PGRMC2: variants seen among roughly 807,000 people sequenced by gnomAD.
PGRMC2 encodes the protein membrane-associated progesterone receptor component 2.
Under a neutral mutation model 19.3 loss-of-function variants are expected in PGRMC2, and 9 were observed. That is an observed-to-expected ratio of 0.47 (90% CI 0.28 to 0.81). PGRMC2 has a LOEUF of 0.81. Among genes scored for constraint, PGRMC2 ranks in the 40% least tolerant of loss-of-function variants. The pLI, the probability that PGRMC2 is intolerant of heterozygous loss-of-function variation, is 0.11. For synonymous variants in PGRMC2, 157 were observed against 124.6 expected (o/e 1.26, Z -1.73); for missense variants, 289 against 297.3 (o/e 0.97, Z 0.21).
chr4:128,278,529 G>A (rs972025297), intron 1 of PGRMC2, among the ~76,000 whole-genome samples: 4 of 151,738 alleles, frequency 2.6e-5, no homozygotes, highest in Admixed American at 2.6e-4. Context: ...CCGAGATGGC[G>A]CCACTGCACT....
chr4:128,287,348 T>G, intron 1 of PGRMC2, 25 bp downstream of exon 1: 1 of 1,577,384 alleles, frequency 6.3e-7, no homozygotes, highest in Non-Finnish European at 8.6e-7. Context: ...CAGGGGGTCC[T>G]TCCCCTCCCC....
Position 128,269,782 on chromosome 4 carries a change from A to G in PGRMC2, c.*1534T>C, listed in dbSNP as rs936182657. 5 of 152,192 alleles carry G rather than the reference A, an allele frequency of 3.3e-5. No homozygotes were observed. The highest frequency in any genetic ancestry group is 1.2e-4 in the African/African-American group (5 of 41,446). 9.4% of individuals were successfully genotyped at this position (152,192 alleles called of 1,614,324 possible). A position where few individuals can be genotyped will look rare whatever the true frequency, so the allele number is the denominator to read the frequency against. ...TTTTAGTAAGGGCTTTTTCAACCTA[A>G]TAAAATAATAATTTAGTATCTATCA... On this transcript the variant is annotated 3_prime_UTR_variant, in exon 3 of 3. Coordinates refer to ENST00000296425, the MANE Select transcript of PGRMC2 (RefSeq NM_006320.6).
intron 1 of PGRMC2, chr4:128,286,805 G>A (rs1760989797): frequency 2.5e-6 from 1 of 397,074 alleles, no homozygotes. Context: ...AGAGACTGGA[G>A]GGTTGGGACT....
At chr4:128,273,551 GAAC>G (rs541565729) in intron 1 of PGRMC2, among the ~76,000 whole-genome samples, 20 of 152,116 alleles carry the variant, frequency 1.3e-4, no homozygotes, top group African/African-American at 2.7e-4. Flanking sequence ...ACACTATTAT[GAAC>G]AACAACAACA....
chr4:128,284,001 G>A (rs979993689), intron 1 of PGRMC2, among the ~76,000 whole-genome samples: 1 of 149,832 alleles, frequency 6.7e-6, no homozygotes, highest in East Asian at 2.0e-4. Flanking sequence ...AGTAGAGATG[G>A]GGTTTCACCA....
At chr4:128,276,440 C>A (rs531136264) in intron 1 of PGRMC2, among the ~76,000 whole-genome samples, 6 of 152,250 alleles carry the variant, frequency 3.9e-5, no homozygotes, top group African/African-American at 1.4e-4. Flanking sequence ...CTCACTCAGC[C>A]TCCCAAGTAG....
intron 1 of PGRMC2, among the ~76,000 whole-genome samples, chr4:128,280,406 T>C (rs1056378804): frequency 5.4e-5 from 8 of 146,822 alleles, no homozygotes; most frequent in African/African-American, 2.0e-4. Context: ...TGAGTAGAGT[T>C]TGGTACATGG....
At chr4:128,284,648 A>T (rs1054687896) in intron 1 of PGRMC2, among the ~76,000 whole-genome samples, 2 of 152,218 alleles carry the variant, frequency 1.3e-5, no homozygotes, top group African/African-American at 4.8e-5. Context: ...TTATGGAAAA[A>T]TCTCACAAAA....
In PGRMC2 at chr4:128,287,449, G is replaced by A. The variant is rs568795150; in HGVS notation, c.342C>T (p.Ser114=). The change falls in exon 1 of 3, where the codon TCC becomes TCT. Residue 114 remains serine (S), a synonymous_variant. Coordinates refer to ENST00000296425, the MANE Select transcript of PGRMC2 (RefSeq NM_006320.6). ...SLEQLRQYDG[S]RNPRILLAVN... Reference sequence around the variant, plus strand: ...CCGCGAGCAGGATGCGCGGGTTGCGGGAGCCGTCGTACTGGCGCAGCTGCT... The same window carrying A: ...CCGCGAGCAGGATGCGCGGGTTGCGAGAGCCGTCGTACTGGCGCAGCTGCT... The A allele has an allele frequency of 2.5e-6, 4 of 1,613,456 alleles. No individual in the cohort carries two copies. The South Asian group carries it at 3.3e-5, about 13-fold the overall frequency.
chr4:128,271,292 C>A lies in PGRMC2; in HGVS notation c.*24G>T. 7.6e-7 allele frequency: 1 copy of A among 1,321,224 alleles called. No homozygotes were observed. The highest frequency in any genetic ancestry group is 1.1e-6 in the Non-Finnish European group (1 of 920,890). 81.8% of individuals were successfully genotyped at this position (1,321,224 alleles called of 1,614,324 possible). On this transcript the variant is annotated 3_prime_UTR_variant, in exon 3 of 3. Coordinates refer to ENST00000296425, the MANE Select transcript of PGRMC2 (RefSeq NM_006320.6). ...AGTAAGAATTGCAGTTCTGAAGGCC[C>A]CTGACTTTGGTTGTTTACAAAGTTC...
At position 128,272,688 on chromosome 4, in the gene PGRMC2, A is replaced by C. The variant is rs570402235; in HGVS notation, c.419-171T>G. ...ATGTACAGATACTAGATGGAATAAG[A>C]AAAGAAATTTGTTGGAAATCTGCCT... On this transcript the variant is annotated intron_variant, in intron 1 of 2. Coordinates refer to ENST00000296425, the MANE Select transcript of PGRMC2 (RefSeq NM_006320.6). 2.9e-5 allele frequency: 12 copies of C among 407,668 alleles called. 1 individual carries two copies. The South Asian group carries it at 1.6e-3, about 55-fold the overall frequency. The allele number at this position is 407,668 out of a possible 1,614,324, so 25.3% of individuals were successfully genotyped here. A position where few individuals can be genotyped will look rare whatever the true frequency, so the allele number is the denominator to read the frequency against.
Position 128,269,410 on chromosome 4 carries a change from C to CA in PGRMC2, c.*1905dup, listed in dbSNP as rs1760691753. 4 of 152,068 alleles carry CA rather than the reference C, an allele frequency of 2.6e-5. No homozygotes were observed. The highest frequency in any genetic ancestry group is 2.6e-4 in the Admixed American group (4 of 15,260). 9.4% of individuals were successfully genotyped at this position (152,068 alleles called of 1,614,324 possible). On this transcript the variant is annotated 3_prime_UTR_variant, in exon 3 of 3. Transcript: ENST00000296425. The stretch of plus-strand genomic sequence containing the variant: ...TTGAATGATTCATATATATAGATAT[C>CA]AGTTTACTACAGAGGACATGTACTT...
chr4:128,287,083 A>G (rs990533793), intron 1 of PGRMC2, among the ~76,000 whole-genome samples: 4 of 152,034 alleles, frequency 2.6e-5, no homozygotes, highest in Non-Finnish European at 4.4e-5. Context: ...AACAAAAAAA[A>G]AAGGCTGCGA....
intron 1 of PGRMC2, among the ~76,000 whole-genome samples, chr4:128,283,022 C>T (rs1760931930): frequency 6.6e-6 from 1 of 152,164 alleles, no homozygotes; most frequent in Non-Finnish European, 1.5e-5. Context: ...AATAAGGGAG[C>T]AGCAGTATTG....
At chr4:128,271,776 G>C (rs1578881231) in intron 2 of PGRMC2, among the ~76,000 whole-genome samples, 1 of 152,222 alleles carries the variant, frequency 6.6e-6, no homozygotes, top group East Asian at 1.9e-4. Context: ...GGGACCCAGG[G>C]GTCAGATAAA....
intron 1 of PGRMC2, among the ~76,000 whole-genome samples, chr4:128,278,987 T>C (rs529518383): frequency 7.9e-5 from 12 of 152,206 alleles, no homozygotes; most frequent in East Asian, 3.9e-4. Context: ...GGTGGGCGGA[T>C]TGCCCGAGGT....
At position 128,287,577 on chromosome 4, in the gene PGRMC2, A is replaced by G; in HGVS notation, c.214T>C (p.Trp72Arg). 1 of 651,818 alleles carries G rather than the reference A, an allele frequency of 1.5e-6. No individual in the cohort carries two copies. Among genetic ancestry groups the G allele is most frequent in the Non-Finnish European group, 1.9e-6 (1 of 518,656 alleles). The allele number at this position is 651,818 out of a possible 1,614,324, so 40.4% of individuals were successfully genotyped here. Residue 72 changes from tryptophan (W) to arginine (R), a missense_variant, in exon 1 of 3, where the codon TGG becomes CGG. Coordinates refer to ENST00000296425, the MANE Select transcript of PGRMC2 (RefSeq NM_006320.6). ...ALVLLGAYRL[W>R]VRWGRRGLGA... The stretch of plus-strand genomic sequence containing the variant: ...AGACCCCGCCGCCCCCAGCGCACCC[A>G]CAGCCGGTAGGCCCCCAGCAGCACC...
At chr4:128,279,525 T>A (rs1016607911) in intron 1 of PGRMC2, among the ~76,000 whole-genome samples, 1 of 152,164 alleles carries the variant, frequency 6.6e-6, no homozygotes, top group Non-Finnish European at 1.5e-5. Flanking sequence ...CCTCGGTAAT[T>A]TTATTTCCAG....
In PGRMC2 at chr4:128,272,455, C is replaced by G; in HGVS notation, c.481G>C (p.Asp161His). Residue 161 changes from aspartate (D) to histidine (H), a missense_variant, in exon 2 of 3, where the codon GAT becomes CAT. Physicochemically the swap from Asp to His is moderately conservative, Grantham distance 81. Coordinates refer to ENST00000296425, the MANE Select transcript of PGRMC2 (RefSeq NM_006320.6). Reference protein sequence around the residue: ...ASRGLATFCLDKDALRDEYDD... With the variant: ...ASRGLATFCLHKDALRDEYDD... ...TATTCATCTCTAAGTGCATCTTTATCTAGGCAAAATGTGGCCAGTCCTCTG... is the reference window on the plus strand; with the variant it reads ...TATTCATCTCTAAGTGCATCTTTATGTAGGCAAAATGTGGCCAGTCCTCTG... 1 of 1,588,674 alleles carries G rather than the reference C, an allele frequency of 6.3e-7. No homozygotes were observed. The highest frequency in any genetic ancestry group is 1.1e-5 in the South Asian group (1 of 87,038).
Sources: gnomAD v4.1 joint callset for allele counts (sites outside exome capture counted in the v4.1 genomes callset) on GRCh38, gnomAD v4.1.1 for gene constraint, MANE v1.5 for transcripts, NCBI Gene and HGNC (gene_info 2026-07-23, HGNC 2026-07-21) for gene names.